The following GUCY1A2 variants were observed in gnomAD, a reference collection of about 807,000 sequenced individuals.
GUCY1A2 encodes the protein guanylate cyclase 1 soluble subunit alpha 2, also known as guanylate cyclase soluble subunit alpha-2.
In GUCY1A2, 27 loss-of-function variants were observed where a neutral mutation model predicts 63.5. The ratio of observed to expected loss-of-function variants is 0.43; its 90% confidence interval spans 0.31 to 0.59. GUCY1A2 has a LOEUF of 0.59. Ranked by LOEUF, GUCY1A2 falls within the 20% of genes least tolerant of loss-of-function variation. The probability of loss-of-function intolerance (pLI) is 0.11; values close to 1 mark genes in which losing one functional copy is unlikely to be tolerated. For synonymous variants in GUCY1A2, 364 were observed against 343.5 expected, an observed-to-expected ratio of 1.06 and a Z score of -0.66; for missense variants, 768 against 913.3, an observed-to-expected ratio of 0.84 and a Z score of 2.05.
At chr11:106,757,226 C>T (rs1348124171) in intron 6 of GUCY1A2, among the ~76,000 whole-genome samples, 1 of 152,080 alleles carries the variant, frequency 6.6e-6, no homozygotes, top group Non-Finnish European at 1.5e-5. Flanking sequence ...CTCTAAACTG[C>T]TTATTCTAGT....
intron 5 of GUCY1A2, among the ~76,000 whole-genome samples, chr11:106,784,215 T>A (rs974643927): frequency 2.6e-5 from 4 of 152,116 alleles, no homozygotes; most frequent in African/African-American, 9.7e-5. Flanking sequence ...GGCACACTCC[T>A]CAGTTGTCAC....
intron 1 of GUCY1A2, among the ~76,000 whole-genome samples, chr11:107,017,420 G>GA (rs1356334259): frequency 6.6e-6 from 1 of 152,194 alleles, no homozygotes; most frequent in Non-Finnish European, 1.5e-5. Flanking sequence ...TTAGGGGAAA[G>GA]AAAACAGGTG....
intron 6 of GUCY1A2, among the ~76,000 whole-genome samples, chr11:106,757,018 C>G (rs1863987244): frequency 6.6e-6 from 1 of 152,140 alleles, no homozygotes; most frequent in Non-Finnish European, 1.5e-5. Context: ...TCTCATAGTC[C>G]CATATTTCTT....
chr11:106,924,628 T>C (rs1469016885), intron 4 of GUCY1A2, among the ~76,000 whole-genome samples: 1 of 152,204 alleles, frequency 6.6e-6, no homozygotes, highest in Non-Finnish European at 1.5e-5. Context: ...AGTATGTCTC[T>C]ACCTCACATA....
intron 5 of GUCY1A2, among the ~76,000 whole-genome samples, chr11:106,784,008 T>C (rs1160231008): frequency 6.6e-6 from 1 of 152,178 alleles, no homozygotes; most frequent in Admixed American, 6.5e-5. Context: ...TCCGTGGCAT[T>C]CAGAGGCCAG....
At chr11:106,973,719 C>T (rs879549554) in intron 3 of GUCY1A2, among the ~76,000 whole-genome samples, 3 of 152,100 alleles carry the variant, frequency 2.0e-5, no homozygotes, top group Non-Finnish European at 2.9e-5. Flanking sequence ...GGCTTGTTAA[C>T]TCTGACCAAA....
chr11:106,720,327 C>G (rs1243585756), intron 6 of GUCY1A2, among the ~76,000 whole-genome samples: 1 of 152,130 alleles, frequency 6.6e-6, no homozygotes, highest in Non-Finnish European at 1.5e-5. Flanking sequence ...ACGACTTTGT[C>G]TTGGGCGTTG....
At chr11:106,889,840 T>C (rs1007717742) in intron 4 of GUCY1A2, among the ~76,000 whole-genome samples, 4 of 152,212 alleles carry the variant, frequency 2.6e-5, no homozygotes, top group Non-Finnish European at 5.9e-5. Flanking sequence ...CATATTAATT[T>C]TTGGCATTAC....
intron 4 of GUCY1A2, among the ~76,000 whole-genome samples, chr11:106,927,746 A>G (rs1479102818): frequency 2.6e-5 from 4 of 151,224 alleles, no homozygotes; most frequent in Non-Finnish European, 4.4e-5. Context: ...TTTTTTAAAT[A>G]TATTTTTAGT....
At chr11:106,979,658 G>A (rs1402994988) in intron 2 of GUCY1A2, among the ~76,000 whole-genome samples, 2 of 152,084 alleles carry the variant, frequency 1.3e-5, no homozygotes, top group Non-Finnish European at 2.9e-5. Context: ...CACAATGCCT[G>A]TAACTGGATA....
At position 106,877,015 on chromosome 11, in the gene GUCY1A2, C is replaced by A. The variant is rs182305435; in HGVS notation, c.1206+62445G>T. 9.9e-4 allele frequency among the ~76,000 whole-genome samples: 151 copies of A among 152,018 alleles called. 4 individuals are homozygous for A. Among genetic ancestry groups the A allele is most frequent in the Non-Finnish European group, 1.0e-4 (7 of 67,948 alleles). On this transcript the variant is annotated intron_variant, in intron 4 of 7. Coordinates refer to ENST00000526355, the MANE Select transcript of GUCY1A2 (RefSeq NM_000855.3). ...AAAAATCACAGGGTCCTTATAAGAA[C>A]GAAGCAAAGGTTATAGTGATGCACT...
intron 6 of GUCY1A2, among the ~76,000 whole-genome samples, chr11:106,756,988 C>G (rs575148752): frequency 2.0e-5 from 3 of 152,212 alleles, no homozygotes; most frequent in Admixed American, 2.0e-4. Flanking sequence ...GTACACCGAT[C>G]AAACGTAGAT....
chr11:107,007,871 T>TGGGCGACAGAGCAAGACTCCA (rs1555060977), intron 1 of GUCY1A2, among the ~76,000 whole-genome samples: 6 of 150,438 alleles, frequency 4.0e-5, no homozygotes, highest in East Asian at 2.1e-4. Context: ...CATGATAGAT[T>TGGGCGACAGAGCAAGACTCCA]TACTGTCCCT....
chr11:106,792,228 A>G (rs1263240870), intron 5 of GUCY1A2, among the ~76,000 whole-genome samples: 1 of 152,104 alleles, frequency 6.6e-6, no homozygotes, highest in African/African-American at 2.4e-5. Context: ...TCTACTAAAA[A>G]TACAAAAATT....
intron 6 of GUCY1A2, among the ~76,000 whole-genome samples, chr11:106,709,594 TAA>T (rs1377371247): frequency 9.8e-6 from 1 of 102,082 alleles, no homozygotes; most frequent in East Asian, 2.4e-4. Context: ...TAGTTATATA[TAA>T]TATATAGTTA....
chr11:106,959,551 G>C (rs1243918472), intron 3 of GUCY1A2, among the ~76,000 whole-genome samples: 1 of 152,212 alleles, frequency 6.6e-6, no homozygotes, highest in African/African-American at 2.4e-5. Flanking sequence ...AACTGAGTCT[G>C]ACTCTAGGCA....
At chr11:106,834,000 T>A (rs1342983439) in intron 4 of GUCY1A2, among the ~76,000 whole-genome samples, 1 of 152,084 alleles carries the variant, frequency 6.6e-6, no homozygotes, top group Admixed American at 6.6e-5. Flanking sequence ...GATACATGTA[T>A]ATACTGTGAA....
At chr11:107,010,204 G>C (rs977988893) in intron 1 of GUCY1A2, among the ~76,000 whole-genome samples, 2 of 152,026 alleles carry the variant, frequency 1.3e-5, no homozygotes, top group African/African-American at 4.8e-5. Context: ...CCTCCTAAAT[G>C]ACTCTAGCCC....
At chr11:106,770,105 A>G (rs1864230716) in intron 6 of GUCY1A2, among the ~76,000 whole-genome samples, 1 of 152,172 alleles carries the variant, frequency 6.6e-6, no homozygotes, top group Non-Finnish European at 1.5e-5. Context: ...ATATAGTATT[A>G]CAATGATTTA....
Sources: gnomAD v4.1 joint callset for allele counts (sites outside exome capture counted in the v4.1 genomes callset) on GRCh38, gnomAD v4.1.1 for gene constraint, MANE v1.5 for transcripts, NCBI Gene and HGNC (gene_info 2026-07-23, HGNC 2026-07-21) for gene names.